Variants in ZC3H6 observed in about 807,000 individuals in gnomAD.
ZC3H6 encodes the protein zinc finger CCCH-type containing 6, also known as zinc finger CCCH domain-containing protein 6.
In ZC3H6, 40 loss-of-function variants were observed where a neutral mutation model predicts 107.7. The ratio of observed to expected loss-of-function variants is 0.37; its 90% confidence interval spans 0.29 to 0.48. ZC3H6 has a LOEUF of 0.48. Ranked by LOEUF, ZC3H6 falls within the 20% of genes least tolerant of loss-of-function variation. The pLI is 0.98. For missense variants in ZC3H6, 1,267 were observed against 1,410.4 expected (o/e 0.90, Z 1.63); for synonymous variants, 493 against 487.9 (o/e 1.01, Z -0.14).
intron 1 of ZC3H6, among the ~76,000 whole-genome samples, chr2:112,292,226 C>A (rs529048458): frequency 1.3e-5 from 2 of 152,294 alleles, no homozygotes; most frequent in Non-Finnish European, 1.5e-5. Context: ...ACAATCCCCT[C>A]CCCTATTTTC....
rs1677031731 is a variant in ZC3H6 at position 112,331,534 on chromosome 2, C to T, written c.2616C>T (p.Asn872=). The change falls in exon 12 of 12, where the codon AAC becomes AAT. Residue 872 remains asparagine (N), a synonymous_variant. Coordinates refer to ENST00000409871, the MANE Select transcript of ZC3H6 (RefSeq NM_198581.3). ...IKMDITLTKP[N]FAKHIVWAPE... is the part of the protein sequence containing the mutation. ...TGGACATTACTCTAACCAAACCCAA[C>T]TTTGCAAAACACATCGTGTGGGCTC... 6.2e-7 allele frequency: 1 copy of T among 1,613,914 alleles called. No individual in the cohort carries two copies. The highest frequency in any genetic ancestry group is 1.3e-5 in the African/African-American group (1 of 74,940).
Position 112,287,545 on chromosome 2 carries a change from G to A in ZC3H6, c.32+11519G>A, listed in dbSNP as rs1369671585. On this transcript the variant is annotated intron_variant, in intron 1 of 11. Transcript: ENST00000409871. ...GCACTACTTCCATCTTGCATTGGAT[G>A]GGGGCAGATAATTAATAATTATCAG... 1.3e-5 allele frequency among the ~76,000 whole-genome samples: 2 copies of A among 152,146 alleles called. 1 individual carries two copies. Among genetic ancestry groups the A allele is most frequent in the Non-Finnish European group, 2.9e-5 (2 of 68,030 alleles).
In ZC3H6 at chr2:112,333,239, T is replaced by G. The variant is rs1174131577; in HGVS notation, c.*751T>G. 1 of 152,610 alleles carries G rather than the reference T, an allele frequency of 6.6e-6. No individual in the cohort carries two copies. Among genetic ancestry groups the G allele is most frequent in the Non-Finnish European group, 1.5e-5 (1 of 68,000 alleles). The allele number at this position is 152,610 out of a possible 1,614,324, so 9.5% of individuals were successfully genotyped here. A position where few individuals can be genotyped will look rare whatever the true frequency, so the allele number is the denominator to read the frequency against. On this transcript the variant is annotated 3_prime_UTR_variant, in exon 12 of 12. Coordinates refer to ENST00000409871, the MANE Select transcript of ZC3H6 (RefSeq NM_198581.3). Reference sequence around the variant, plus strand: ...CTGCTGTGTTACATTGTGATGTTTATGTATGTCAATGTTTTTGTCTTTAAC... The same window carrying G: ...CTGCTGTGTTACATTGTGATGTTTAGGTATGTCAATGTTTTTGTCTTTAAC...
chr2:112,303,170 A>C (rs1370996226), intron 2 of ZC3H6, 59 bp from the exon 3 acceptor site: 11 of 1,562,566 alleles, frequency 7.0e-6, no homozygotes, highest in Non-Finnish European at 8.6e-6. Context: ...TTATCTAATT[A>C]CTAGTTAAAT....
At chr2:112,321,515 C>T (rs1676801976) in intron 7 of ZC3H6, among the ~76,000 whole-genome samples, 1 of 151,700 alleles carries the variant, frequency 6.6e-6, no homozygotes, top group Non-Finnish European at 1.5e-5. Flanking sequence ...TATAATAATA[C>T]AGCCTTATTG....
intron 1 of ZC3H6, among the ~76,000 whole-genome samples, chr2:112,291,086 A>G (rs73954823): frequency 0.033 from 4,983 of 152,062 alleles, 106 homozygotes; most frequent in African/African-American, 0.089. Flanking sequence ...CCTGAAGCTC[A>G]AAGTCAGATT....
At position 112,325,198 on chromosome 2, in the gene ZC3H6, G is replaced by T. The variant is rs769052816; in HGVS notation, c.2086+1G>T. On this transcript the variant is annotated splice_donor_variant, in intron 11 of 11. Coordinates refer to ENST00000409871, the MANE Select transcript of ZC3H6 (RefSeq NM_198581.3). LOFTEE classifies it high-confidence loss of function. Reference sequence around the variant, plus strand: ...CATAGGGCACCAAGCAAGGAAGAAGGTGTGTCAGAAGTTATTAATAGCATC... The same window carrying T: ...CATAGGGCACCAAGCAAGGAAGAAGTTGTGTCAGAAGTTATTAATAGCATC... 1.2e-6 allele frequency: 2 copies of T among 1,613,730 alleles called. No homozygotes were observed. The highest frequency in any genetic ancestry group is 2.2e-5 in the East Asian group (1 of 44,880).
At chr2:112,318,361 A>C (rs1471930559) in intron 7 of ZC3H6, among the ~76,000 whole-genome samples, 1 of 152,212 alleles carries the variant, frequency 6.6e-6, no homozygotes. Flanking sequence ...GCTAAATAAT[A>C]AGATAAATAA....
intron 1 of ZC3H6, among the ~76,000 whole-genome samples, chr2:112,289,809 C>G (rs918662101): frequency 2.6e-5 from 4 of 152,208 alleles, no homozygotes; most frequent in Non-Finnish European, 5.9e-5. Context: ...GGCCCAATGA[C>G]AGCTTACTCT....
chr2:112,296,518 T>C (rs1180062379), intron 1 of ZC3H6, among the ~76,000 whole-genome samples: 2 of 152,206 alleles, frequency 1.3e-5, no homozygotes, highest in Non-Finnish European at 2.9e-5. Flanking sequence ...GGTGAATATG[T>C]GCACTCATTT....
In ZC3H6 at chr2:112,275,632, A is replaced by G; in HGVS notation, c.-363A>G. 2 of 401,166 alleles carry G rather than the reference A, an allele frequency of 5.0e-6. No individual in the cohort carries two copies. Among genetic ancestry groups the G allele is most frequent in the East Asian group, 3.6e-5 (1 of 28,052 alleles). 24.9% of individuals were successfully genotyped at this position (401,166 alleles called of 1,614,324 possible). A position where few individuals can be genotyped will look rare whatever the true frequency, so the allele number is the denominator to read the frequency against. ...CGAGCCGCCTGTTTCGGGTGCCGCCATGTTGGTGAGGAGAAATCACCGTTA... is the reference window on the plus strand; with the variant it reads ...CGAGCCGCCTGTTTCGGGTGCCGCCGTGTTGGTGAGGAGAAATCACCGTTA... On this transcript the variant is annotated 5_prime_UTR_variant, in exon 1 of 12. An upstream start codon of the reference 5' UTR is lost. Coordinates refer to ENST00000409871, the MANE Select transcript of ZC3H6 (RefSeq NM_198581.3).
chr2:112,299,690 T>C (rs1029579824), intron 1 of ZC3H6, among the ~76,000 whole-genome samples, 159 bp from the exon 2 acceptor site: 2 of 152,222 alleles, frequency 1.3e-5, no homozygotes, highest in African/African-American at 4.8e-5. Context: ...CCTGCAAATG[T>C]AAAATATTTA....
chr2:112,332,270 C>G lies in ZC3H6; in HGVS notation c.3352C>G (p.Pro1118Ala), dbSNP rs368678969. ...EGPADPQADV[P>A]RSSGKVQVPA... Reference sequence around the variant, plus strand: ...GCCAGCTGACCCACAGGCGGACGTTCCCAGGAGTTCTGGTAAGGTTCAGGT... The same window carrying G: ...GCCAGCTGACCCACAGGCGGACGTTGCCAGGAGTTCTGGTAAGGTTCAGGT... The change falls in exon 12 of 12, where the codon CCC becomes GCC. Residue 1118 changes from proline (P) to alanine (A), a missense_variant. Coordinates refer to ENST00000409871, the MANE Select transcript of ZC3H6 (RefSeq NM_198581.3). The G allele has an allele frequency of 2.5e-6, 4 of 1,613,756 alleles. No individual in the cohort carries two copies. The highest frequency in any genetic ancestry group is 3.4e-6 in the Non-Finnish European group (4 of 1,179,852).
At chr2:112,312,035 G>A in intron 5 of ZC3H6, 98 bp downstream of exon 5, 1 of 1,243,288 alleles carries the variant, frequency 8.0e-7, no homozygotes, top group African/African-American at 1.5e-5. Flanking sequence ...TACTTCTCTA[G>A]TAAATGAAAA....
intron 1 of ZC3H6, among the ~76,000 whole-genome samples, chr2:112,291,968 T>A (rs1477182103): frequency 6.6e-6 from 1 of 152,226 alleles, no homozygotes; most frequent in Admixed American, 6.5e-5. Flanking sequence ...TCTGCCTGCC[T>A]TGGCCTCCGA....
At position 112,335,499 on chromosome 2, in the gene ZC3H6, G is replaced by A. The variant is rs1034596929; in HGVS notation, c.*3011G>A. On this transcript the variant is annotated 3_prime_UTR_variant, in exon 12 of 12. Transcript: ENST00000409871. Reference sequence around the variant, plus strand: ...AAATTCATATTTTTTGTTCTGAATTGATTTCTGTGTAATTTATATCAGTAT... The same window carrying A: ...AAATTCATATTTTTTGTTCTGAATTAATTTCTGTGTAATTTATATCAGTAT... 2 of 152,000 alleles carry A rather than the reference G, an allele frequency of 1.3e-5. No individual in the cohort carries two copies. Among genetic ancestry groups the A allele is most frequent in the East Asian group, 3.8e-4 (2 of 5,202 alleles). The allele number at this position is 152,000 out of a possible 1,614,324, so 9.4% of individuals were successfully genotyped here. A position where few individuals can be genotyped will look rare whatever the true frequency, so the allele number is the denominator to read the frequency against.
rs1327960474 is a variant in ZC3H6, at chr2:112,275,622, G to T, written c.-373G>T. 1.0e-5 allele frequency: 4 copies of T among 400,862 alleles called. No individual in the cohort carries two copies. Among genetic ancestry groups the T allele is most frequent in the Admixed American group, 8.8e-5 (2 of 22,706 alleles). The allele number at this position is 400,862 out of a possible 1,614,324, so 24.8% of individuals were successfully genotyped here. ...GCCATTTTCTCGAGCCGCCTGTTTC[G>T]GGTGCCGCCATGTTGGTGAGGAGAA... On this transcript the variant is annotated 5_prime_UTR_variant, in exon 1 of 12. Coordinates refer to ENST00000409871, the MANE Select transcript of ZC3H6 (RefSeq NM_198581.3).
intron 1 of ZC3H6, among the ~76,000 whole-genome samples, chr2:112,289,204 C>T (rs1676039521): frequency 6.6e-6 from 1 of 151,976 alleles, no homozygotes; most frequent in African/African-American, 2.4e-5. Flanking sequence ...CGGGGTTTCA[C>T]CATGTTGGCC....
rs774863251 is a variant in ZC3H6 at position 112,321,828 on chromosome 2, A to G, written c.1049A>G (p.Asp350Gly). The G allele has an allele frequency of 4.5e-6, 7 of 1,541,830 alleles. No homozygotes were observed. The highest frequency in any genetic ancestry group is 6.1e-6 in the Non-Finnish European group (7 of 1,141,874). ...GGAGACAACTGTAAATTTTCCCATG[A>G]TGATCTAACTAAAGAAACAAAGAAA... The part of the protein sequence containing the change: ...YQGDNCKFSH[D>G]DLTKETKKLL... The change falls in exon 8 of 12, where the codon GAT (aspartate) becomes GGT (glycine). Residue 350 changes from aspartate to glycine, a missense_variant. Asp to Gly is a moderately conservative substitution (Grantham distance 94). This residue lies in a region of ZC3H6 where 925 missense variants were observed against 1,025.7 expected (regional missense o/e 0.90). Coordinates refer to ENST00000409871, the MANE Select transcript of ZC3H6 (RefSeq NM_198581.3).
Sources: allele counts gnomAD v4.1 joint callset (sites outside exome capture counted in the v4.1 genomes callset), GRCh38; gene constraint gnomAD v4.1.1; regional missense constraint gnomAD v4.1.1; transcripts MANE v1.5; gene names NCBI Gene and HGNC (gene_info 2026-07-23, HGNC 2026-07-21).